Variants in LRRC66 observed in about 807,000 individuals in gnomAD.
LRRC66 encodes leucine-rich repeat-containing protein 66.
LRRC66 carries 29 observed loss-of-function variants against 24.6 expected under a neutral mutation model. The ratio of observed to expected loss-of-function variants is 1.18; its 90% CI spans 0.88 to 1.61. The LOEUF is 1.61. Ranked by LOEUF, LRRC66 falls within the 40% of genes most tolerant of loss-of-function variation. The pLI, the probability that LRRC66 is intolerant of heterozygous loss-of-function variation, is 0.00. For synonymous variants in LRRC66, 411 were observed against 397.6 expected, an observed-to-expected ratio of 1.03 and a Z score of -0.40; for missense variants, 1,124 against 1,058.0, an observed-to-expected ratio of 1.06 and a Z score of -0.87.
chr4:52,007,673 T>C (rs2110199339), intron 2 of LRRC66, among the ~76,000 whole-genome samples: 1 of 152,344 alleles, frequency 6.6e-6, no homozygotes, highest in South Asian at 2.1e-4. Context: ...ATATTCACTG[T>C]CTTGTGGGCA....
In LRRC66 at chr4:52,017,176, C is replaced by G. The variant is rs1407988838; in HGVS notation, c.438G>C (p.Arg146Ser). 2 of 1,614,034 alleles carry G rather than the reference C, an allele frequency of 1.2e-6. No homozygotes were observed. Among genetic ancestry groups the G allele is most frequent in the Admixed American group, 3.3e-5 (2 of 60,004 alleles). ...VKRHRSSFRNRFPLLKVLILQ... is the reference protein window; with the variant it reads ...VKRHRSSFRNSFPLLKVLILQ... ...GAATGAGCACCTTCAGCAATGGAAA[C>G]CTGTTTCTGAAGCTGCTTCTGTGGC... The change falls in exon 2 of 5, where the codon AGG becomes AGC. Residue 146 changes from arginine (R) to serine (S), a missense_variant. Physicochemically the swap from Arg to Ser is moderately radical, Grantham distance 110 (BLOSUM62 -1). Transcript: ENST00000682860.
At position 51,999,587 on chromosome 4, in the gene LRRC66, T is replaced by C. The variant is rs577516833; in HGVS notation, c.667-1650A>G. 2.1e-4 allele frequency among the ~76,000 whole-genome samples: 32 copies of C among 152,332 alleles called. No homozygotes were observed. In the East Asian group the frequency reaches 6.0e-3, roughly 28 times the overall value. On this transcript the variant is annotated intron_variant, in intron 3 of 4. Transcript: ENST00000682860. Reference sequence around the variant, plus strand: ...TTGACAACAGATTGAAATATTCTAATGTTTTTTAGGTAATTATTTTCTTTT... The same window carrying C: ...TTGACAACAGATTGAAATATTCTAACGTTTTTTAGGTAATTATTTTCTTTT...
chr4:52,019,376 T>TTATC (rs1001144502), intron 1 of LRRC66, among the ~76,000 whole-genome samples: 19 of 152,266 alleles, frequency 1.2e-4, no homozygotes, highest in South Asian at 8.3e-4. Flanking sequence ...AAAAGGAACA[T>TTATC]TATCTATCTA....
chr4:51,999,819 G>A (rs1736406553), intron 3 of LRRC66, among the ~76,000 whole-genome samples: 2 of 152,282 alleles, frequency 1.3e-5, no homozygotes, highest in South Asian at 2.1e-4. Context: ...TTATGGAAAG[G>A]TTGGGAGAAG....
intron 1 of LRRC66, 62 bp from the exon 2 acceptor site, chr4:52,017,680 C>T: frequency 1.4e-6 from 2 of 1,422,684 alleles, no homozygotes; most frequent in Non-Finnish European, 1.8e-6. Flanking sequence ...CAGCAATAAG[C>T]AGCAAATTTA....
At chr4:52,015,421 C>A (rs557893928) in intron 2 of LRRC66, among the ~76,000 whole-genome samples, 1 of 152,028 alleles carries the variant, frequency 6.6e-6, no homozygotes, top group Non-Finnish European at 1.5e-5. Context: ...GCTCACCCCT[C>A]GATGCCTTGT....
chr4:52,018,306 GA>G, intron 1 of LRRC66: 1 of 984,774 alleles, frequency 1.0e-6, no homozygotes, highest in Non-Finnish European at 1.2e-6. Flanking sequence ...AAACATTTTT[GA>G]GAAAAAATTC....
Position 51,994,578 on chromosome 4 carries a change from C to T in LRRC66, c.2444G>A (p.Gly815Glu), listed in dbSNP as rs766773694. 39 of 1,614,062 alleles carry T rather than the reference C, an allele frequency of 2.4e-5. No homozygotes were observed. The highest frequency in any genetic ancestry group is 3.2e-5 in the Non-Finnish European group (38 of 1,180,046). ...WPRSPGNSPLGDEFPGMFTYD... is the reference protein window; with the variant it reads ...WPRSPGNSPLEDEFPGMFTYD... ...AGTGAACATGCCCGGAAACTCATCCCCTAAGGGACTATTCCCTGGTGACCT... is the reference window on the plus strand; with the variant it reads ...AGTGAACATGCCCGGAAACTCATCCTCTAAGGGACTATTCCCTGGTGACCT... Residue 815 changes from glycine (G) to glutamate (E), a missense_variant, in exon 5 of 5, where the codon GGG becomes GAG. By Grantham distance (98) the Gly-to-Glu change is moderately conservative. Transcript: ENST00000682860.
At chr4:52,002,167 T>A (rs1220886525) in intron 3 of LRRC66, among the ~76,000 whole-genome samples, 2 of 152,248 alleles carry the variant, frequency 1.3e-5, no homozygotes, top group East Asian at 3.8e-4. Flanking sequence ...ATCTCATTAA[T>A]AATTTCTATA....
chr4:52,019,375 A>G (rs374602907), intron 1 of LRRC66, among the ~76,000 whole-genome samples: 58 of 152,258 alleles, frequency 3.8e-4, no homozygotes, highest in African/African-American at 1.3e-3. Flanking sequence ...AAAAAGGAAC[A>G]TTATCTATCT....
chr4:51,994,192 C>T lies in LRRC66; in HGVS notation c.*187G>A, dbSNP rs1220972987. 3.5e-5 allele frequency: 21 copies of T among 600,082 alleles called. No individual in the cohort carries two copies. The Admixed American group carries it at 5.2e-4, about 15-fold the overall frequency. 37.2% of individuals were successfully genotyped at this position (600,082 alleles called of 1,614,324 possible). ...ATAGGATGTTAACAAGTGTGTTTAG[C>T]TTATAACCCTTCTAGAATCATCGCC... is the stretch of plus-strand genomic sequence containing the variant. On this transcript the variant is annotated 3_prime_UTR_variant, in exon 5 of 5. Transcript: ENST00000682860.
chr4:52,010,791 G>A (rs553970536), intron 2 of LRRC66, among the ~76,000 whole-genome samples: 1 of 152,188 alleles, frequency 6.6e-6, no homozygotes, highest in East Asian at 1.9e-4. Context: ...CTTTTTTGTA[G>A]AATGATTTAT....
intron 2 of LRRC66, among the ~76,000 whole-genome samples, chr4:52,011,423 T>A (rs1330855859): frequency 6.6e-6 from 1 of 152,100 alleles, no homozygotes; most frequent in African/African-American, 2.4e-5. Flanking sequence ...AGAGGACAGA[T>A]CAAAAAGTGC....
rs1420550214 is a variant in LRRC66, at chr4:51,995,150, C to G, written c.1872G>C (p.Arg624Ser). The G allele has an allele frequency of 1.2e-6, 2 of 1,614,270 alleles. No individual in the cohort carries two copies. The highest frequency in any genetic ancestry group is 2.2e-5 in the South Asian group (2 of 91,088). Residue 624 changes from arginine (R) to serine (S), a missense_variant, in exon 5 of 5, where the codon AGG becomes AGC. By Grantham distance (110) the Arg-to-Ser change is moderately radical. Coordinates refer to ENST00000682860, the MANE Select transcript of LRRC66 (RefSeq NM_001024611.3). Reference sequence around the variant, plus strand: ...GCAAATCAATGGATGAACTCACTTGCCTTTCCTTAGAAAATTCCATCTGCG... The same window carrying G: ...GCAAATCAATGGATGAACTCACTTGGCTTTCCTTAGAAAATTCCATCTGCG... ...WDSQMEFSKERQVSSSIDLLS... is the reference protein window; with the variant it reads ...WDSQMEFSKESQVSSSIDLLS...
chr4:52,011,818 C>T (rs917196614), intron 2 of LRRC66, among the ~76,000 whole-genome samples: 38 of 152,132 alleles, frequency 2.5e-4, no homozygotes, highest in Non-Finnish European at 4.6e-4. Flanking sequence ...GACCAGGAAG[C>T]TTTTTTAGGT....
Position 51,995,111 on chromosome 4 carries a change from CTGCTGTA to C in LRRC66, c.1904_1910del (p.Ile635SerfsTer77), listed in dbSNP as rs1301885287. On this transcript the variant is annotated frameshift_variant, in exon 5 of 5. Transcript: ENST00000682860. LOFTEE classifies it low-confidence loss of function (END_TRUNC). ...CAGCCCTTGCCCCGGACAGCCTTGG[CTGCTGTA>C]TGCTCAGCAAATCAATGGATGAACT... 5.6e-6 allele frequency: 9 copies of C among 1,614,136 alleles called. No individual in the cohort carries two copies. Among genetic ancestry groups the C allele is most frequent in the Non-Finnish European group, 7.6e-6 (9 of 1,180,048 alleles).
rs1463261406 is a variant in LRRC66, at chr4:51,993,860, C to T, written c.*519G>A. The T allele has an allele frequency of 6.6e-6, 1 of 152,352 alleles. No individual in the cohort carries two copies. 9.4% of individuals were successfully genotyped at this position (152,352 alleles called of 1,614,324 possible). On this transcript the variant is annotated 3_prime_UTR_variant, in exon 5 of 5. Coordinates refer to ENST00000682860, the MANE Select transcript of LRRC66 (RefSeq NM_001024611.3). ...TGCTTCAATATGTATGAAAAAATGTCATTTGAATTCTCTTTGATGATCAAG... is the reference window on the plus strand; with the variant it reads ...TGCTTCAATATGTATGAAAAAATGTTATTTGAATTCTCTTTGATGATCAAG...
chr4:52,016,477 TC>T (rs1271140510), intron 2 of LRRC66, among the ~76,000 whole-genome samples: 1 of 152,178 alleles, frequency 6.6e-6, no homozygotes, highest in Non-Finnish European at 1.5e-5. Context: ...TGATATATTT[TC>T]CAAAGAAAAC....
intron 3 of LRRC66, among the ~76,000 whole-genome samples, chr4:51,999,938 G>C (rs1736410613): frequency 6.6e-6 from 1 of 152,148 alleles, no homozygotes; most frequent in African/African-American, 2.4e-5. Context: ...TCCCATCAAA[G>C]CATGGTGATA....
Sources: allele counts gnomAD v4.1 joint callset (sites outside exome capture counted in the v4.1 genomes callset), GRCh38; gene constraint gnomAD v4.1.1; transcripts MANE v1.5; gene names NCBI Gene and HGNC (gene_info 2026-07-23, HGNC 2026-07-21).